The following TANC2 variants were observed in gnomAD, a reference collection of about 807,000 sequenced individuals.
TANC2 encodes tetratricopeptide repeat, ankyrin repeat and coiled-coil containing 2, also known as protein TANC2.
Under a neutral mutation model 210.5 loss-of-function variants are expected in TANC2, and 26 were observed. That is an observed-to-expected ratio of 0.12 (90% CI 0.09 to 0.17). TANC2 has a LOEUF of 0.17. TANC2 is among the 10% of genes least tolerant of loss of function. The pLI, the probability that TANC2 is intolerant of heterozygous loss-of-function variation, is 1.00. For missense variants in TANC2, 2,129 were observed against 2,608.9 expected (o/e 0.82, Z 4.01); for synonymous variants, 931 against 967.1 (o/e 0.96, Z 0.69).
At chr17:63,004,814 T>C (rs17630421) in intron 1 of TANC2, 9,885 of 337,296 alleles carry the variant, frequency 0.029, 215 homozygotes, top group African/African-American at 0.037. Flanking sequence ...CCTTCTTTCC[T>C]TTCTTTACCA....
intron 8 of TANC2, among the ~76,000 whole-genome samples, chr17:63,242,250 C>T (rs1271905740): frequency 2.0e-5 from 3 of 151,938 alleles, no homozygotes; most frequent in Non-Finnish European, 4.4e-5. Context: ...TATAAAAGCC[C>T]GATAAGCTTT....
At chr17:63,128,982 T>C (rs2038815842) in intron 4 of TANC2, among the ~76,000 whole-genome samples, 1 of 151,986 alleles carries the variant, frequency 6.6e-6, no homozygotes, top group South Asian at 2.1e-4. Flanking sequence ...TTACGGACGG[T>C]TTATAGAAGT....
At chr17:63,059,103 T>G (rs898548969) in intron 2 of TANC2, among the ~76,000 whole-genome samples, 1 of 152,188 alleles carries the variant, frequency 6.6e-6, no homozygotes, top group African/African-American at 2.4e-5. Context: ...TTGTATCATC[T>G]CTTTGATTTC....
chr17:63,388,814 C>T, intron 16 of TANC2, 57 bp downstream of exon 16: 1 of 1,343,424 alleles, frequency 7.4e-7, no homozygotes, highest in South Asian at 1.7e-5. Flanking sequence ...AAAAATAAAA[C>T]TAGAAGGACA....
chr17:63,327,387 A>G (rs2045684168), intron 11 of TANC2, among the ~76,000 whole-genome samples: 2 of 152,208 alleles, frequency 1.3e-5, no homozygotes. Flanking sequence ...TATGCAAAGA[A>G]ACTGAAATCA....
rs535861614 is a variant in TANC2 at position 63,066,501 on chromosome 17, G to T, written c.68-7442G>T. ...GAGTGGTGACCAGGGCACAAAAAGA[G>T]ATATCTACAGTGGAAGCCCTCTAAA... On this transcript the variant is annotated intron_variant, in intron 2 of 27. Coordinates refer to ENST00000689528, the Ensembl canonical transcript of TANC2. Among the ~76,000 whole-genome samples, 28 of 152,220 alleles carry T rather than the reference G, an allele frequency of 1.8e-4. No individual in the cohort carries two copies. The South Asian group carries it at 5.4e-3, about 29-fold the overall frequency.
chr17:63,227,873 AT>A (rs993020157), intron 7 of TANC2, among the ~76,000 whole-genome samples: 1 of 151,476 alleles, frequency 6.6e-6, no homozygotes, highest in Non-Finnish European at 1.5e-5. Context: ...TCATTTATTT[AT>A]TTTTTTTGAG....
chr17:63,319,848 C>T (rs2045439199), intron 11 of TANC2, among the ~76,000 whole-genome samples: 2 of 152,194 alleles, frequency 1.3e-5, no homozygotes, highest in Non-Finnish European at 2.9e-5. Flanking sequence ...CAGTGCTCTT[C>T]CTCTACCCCA....
chr17:63,115,506 G>A (rs545760322), intron 4 of TANC2, among the ~76,000 whole-genome samples: 24 of 152,218 alleles, frequency 1.6e-4, no homozygotes, highest in Admixed American at 6.5e-4. Flanking sequence ...ACGCTAGTCC[G>A]CAGTATCTGT....
At position 63,257,197 on chromosome 17, in the gene TANC2, T is replaced by C. The variant is rs550850496; in HGVS notation, c.1034-10551T>C. Among the ~76,000 whole-genome samples the C allele has an allele frequency of 2.2e-4, 33 of 152,244 alleles. 1 individual carries two copies. The highest frequency in any genetic ancestry group is 4.3e-4 in the Non-Finnish European group (29 of 68,016). On this transcript the variant is annotated intron_variant, in intron 8 of 27. Coordinates refer to ENST00000689528, the Ensembl canonical transcript of TANC2. ...TACTCCTGCCATTTTGTTATTTTTT[T>C]TCTCATTGTTTTGTGTTCTTCTTTA...
intron 14 of TANC2, among the ~76,000 whole-genome samples, chr17:63,371,197 G>T (rs1036230985): frequency 6.6e-6 from 1 of 152,102 alleles, no homozygotes; most frequent in African/African-American, 2.4e-5. Context: ...AGGTACGGTG[G>T]CTCACGCCTG....
chr17:63,395,779 G>C (rs1388353199), exon 18 of TANC2: 14 of 1,613,498 alleles, frequency 8.7e-6, no homozygotes, highest in African/African-American at 4.0e-5. Context: ...GTGTGCTTTG[G>C]TTCATGCTGC....
chr17:63,200,355 CAAAAAAAAA>C (rs10598629), intron 6 of TANC2, among the ~76,000 whole-genome samples: 2 of 93,814 alleles, frequency 2.1e-5, no homozygotes, highest in African/African-American at 4.2e-5. Context: ...AACTCTGTCT[CAAAAAAAAA>C]AAAAAAAAAA....
chr17:63,007,510 C>T (rs970623755), intron 1 of TANC2, among the ~76,000 whole-genome samples: 4 of 152,134 alleles, frequency 2.6e-5, no homozygotes, highest in Non-Finnish European at 5.9e-5. Flanking sequence ...CATTTATCCA[C>T]AGATCTATGC....
intron 5 of TANC2, among the ~76,000 whole-genome samples, chr17:63,190,235 G>T (rs1273462983): frequency 6.6e-6 from 1 of 152,164 alleles, no homozygotes; most frequent in Admixed American, 6.5e-5. Flanking sequence ...AGCTACTCAG[G>T]AGGCTGAGGC....
At chr17:63,138,346 A>G (rs1017055817) in intron 4 of TANC2, among the ~76,000 whole-genome samples, 11 of 152,220 alleles carry the variant, frequency 7.2e-5, no homozygotes, top group African/African-American at 2.2e-4. Context: ...AGGAGAAAAC[A>G]TAATTGTACT....
At chr17:62,973,059 CA>C (rs1455346891) in intron 1 of TANC2, among the ~76,000 whole-genome samples, 1 of 150,388 alleles carries the variant, frequency 6.6e-6, no homozygotes, top group Non-Finnish European at 1.5e-5. Context: ...CACGGCGTCT[CA>C]CTCTGTTGCC....
chr17:63,244,151 C>G (rs968707904), intron 8 of TANC2, among the ~76,000 whole-genome samples: 11 of 152,152 alleles, frequency 7.2e-5, no homozygotes, highest in Non-Finnish European at 1.5e-4. Context: ...TTGGCTTGCT[C>G]AAAACACTTT....
intron 5 of TANC2, among the ~76,000 whole-genome samples, chr17:63,184,292 ATTTG>A (rs990490763): frequency 2.7e-5 from 4 of 149,608 alleles, no homozygotes; most frequent in Non-Finnish European, 2.9e-5. Flanking sequence ...ATGTAGTGTT[ATTTG>A]TTTTTTTCAT....
Sources: allele counts gnomAD v4.1 joint callset (sites outside exome capture counted in the v4.1 genomes callset), GRCh38; gene constraint gnomAD v4.1.1; transcripts MANE v1.5; gene names NCBI Gene and HGNC (gene_info 2026-07-23, HGNC 2026-07-21).